Variants in RGS6 observed in about 807,000 individuals in gnomAD.
RGS6 encodes regulator of G-protein signaling 6.
In RGS6, 30 loss-of-function variants were observed where a neutral mutation model predicts 78.5. That is an observed-to-expected ratio of 0.38 (90% confidence interval 0.29 to 0.52). The LOEUF is 0.52. Among genes scored for constraint, RGS6 ranks in the 20% least tolerant of loss-of-function variants. The pLI, the probability that RGS6 is intolerant of heterozygous loss-of-function variation, is 0.85. For synonymous variants in RGS6, 206 were observed against 206.0 expected (o/e 1.00, Z 0.00); for missense variants, 495 against 609.7 (o/e 0.81, Z 1.98).
chr14:72,562,667 C>T lies in RGS6; in HGVS notation c.*200C>T, dbSNP rs1358171945. The T allele has an allele frequency of 3.9e-6, 6 of 1,536,174 alleles. No individual in the cohort carries two copies. Among genetic ancestry groups the T allele is most frequent in the Non-Finnish European group, 5.2e-6 (6 of 1,146,924 alleles). ...AAAGAAAGAGTCCACAGAGCCTGGGCTGGGCCCGGTGGAGGCTCCTGTTTA... is the reference window on the plus strand; with the variant it reads ...AAAGAAAGAGTCCACAGAGCCTGGGTTGGGCCCGGTGGAGGCTCCTGTTTA... On this transcript the variant is annotated 3_prime_UTR_variant, in exon 18 of 18. Transcript: ENST00000553525.
intron 1 of RGS6, among the ~76,000 whole-genome samples, chr14:71,940,340 C>T (rs1397951704): frequency 2.0e-5 from 3 of 152,172 alleles, no homozygotes; most frequent in Non-Finnish European, 2.9e-5. Context: ...GACCCAGCCT[C>T]CCCTTTGTCC....
At chr14:72,211,669 C>T (rs941676697) in intron 2 of RGS6, among the ~76,000 whole-genome samples, 2 of 152,040 alleles carry the variant, frequency 1.3e-5, no homozygotes, top group Non-Finnish European at 2.9e-5. Flanking sequence ...CCACAATGAC[C>T]CCCAAACGTA....
chr14:72,294,207 G>A (rs955400749), intron 2 of RGS6, among the ~76,000 whole-genome samples: 8 of 152,218 alleles, frequency 5.3e-5, no homozygotes, highest in African/African-American at 1.9e-4. Context: ...TAAGTGGGAG[G>A]AAGAGGGACC....
chr14:72,619,289 C>G, the RGS6 span: 2 of 1,535,968 alleles, frequency 1.3e-6, no homozygotes, highest in Non-Finnish European at 1.7e-6. Flanking sequence ...ATTCTGTGAC[C>G]TGGGGCCCTA....
At chr14:72,537,571 C>G (rs1349875316) in intron 16 of RGS6, 1 of 702,336 alleles carries the variant, frequency 1.4e-6, no homozygotes. Flanking sequence ...GATTCCCCTG[C>G]TGGAGGATGC....
At chr14:72,155,402 AC>A (rs2153647373) in intron 2 of RGS6, among the ~76,000 whole-genome samples, 1 of 152,306 alleles carries the variant, frequency 6.6e-6, no homozygotes, top group African/African-American at 2.4e-5. Context: ...ACTCAAGATG[AC>A]CTTAAAGGCC....
At chr14:72,457,411 C>T (rs940327912) in intron 4 of RGS6, among the ~76,000 whole-genome samples, 3 of 152,004 alleles carry the variant, frequency 2.0e-5, no homozygotes, top group Non-Finnish European at 4.4e-5. Flanking sequence ...GTGGTAGAAG[C>T]ATTGAGGTTT....
the RGS6 span, among the ~76,000 whole-genome samples, chr14:71,890,463 C>A: frequency 2.6e-4 from 40 of 151,620 alleles, no homozygotes; most frequent in South Asian, 8.1e-3. Flanking sequence ...TCTATGGCAC[C>A]TGTCTTCCTG....
chr14:72,296,018 C>G (rs531719477), intron 2 of RGS6, among the ~76,000 whole-genome samples: 1 of 152,172 alleles, frequency 6.6e-6, no homozygotes, highest in Non-Finnish European at 1.5e-5. Context: ...TTCCCCTTCC[C>G]AATAAATCTT....
chr14:72,545,028 C>T (rs925645768), intron 17 of RGS6, among the ~76,000 whole-genome samples: 2 of 152,250 alleles, frequency 1.3e-5, no homozygotes, highest in Non-Finnish European at 2.9e-5. Flanking sequence ...TGGGGAACAG[C>T]CTTGCACCCT....
At chr14:72,501,831 G>A (rs896347496) in intron 13 of RGS6, among the ~76,000 whole-genome samples, 3 of 152,228 alleles carry the variant, frequency 2.0e-5, no homozygotes, top group African/African-American at 7.2e-5. Context: ...AAGGAACCTG[G>A]CTTGTCCAGC....
chr14:72,554,151 T>G (rs923946874), intron 17 of RGS6, among the ~76,000 whole-genome samples: 1 of 152,240 alleles, frequency 6.6e-6, no homozygotes, highest in East Asian at 1.9e-4. Flanking sequence ...CAAATGGGCA[T>G]GGACATTCAC....
chr14:72,069,783 GCC>G (rs1284907093), intron 2 of RGS6, among the ~76,000 whole-genome samples: 3 of 151,830 alleles, frequency 2.0e-5, no homozygotes, highest in Non-Finnish European at 4.4e-5. Context: ...CCAGCAATCT[GCC>G]CGCCTTGGCC....
intron 2 of RGS6, among the ~76,000 whole-genome samples, chr14:72,071,489 G>T (rs541856894): frequency 4.8e-4 from 73 of 152,312 alleles, no homozygotes; most frequent in African/African-American, 1.7e-3. Context: ...GCTTTCCAAA[G>T]TAGTTGTAAC....
At chr14:72,082,926 C>T (rs915538923) in intron 2 of RGS6, among the ~76,000 whole-genome samples, 7 of 152,134 alleles carry the variant, frequency 4.6e-5, no homozygotes, top group Non-Finnish European at 4.4e-5. Context: ...GACATTTGCT[C>T]ATCTCACACA....
intron 2 of RGS6, among the ~76,000 whole-genome samples, chr14:72,135,928 A>G (rs1259845361): frequency 6.6e-6 from 1 of 152,146 alleles, no homozygotes. Flanking sequence ...AAAGTCAAGG[A>G]AACACTTAGA....
intron 15 of RGS6, among the ~76,000 whole-genome samples, chr14:72,529,938 G>A (rs567808696): frequency 2.6e-5 from 4 of 152,220 alleles, no homozygotes; most frequent in Non-Finnish European, 4.4e-5. Flanking sequence ...TTATCTCAGC[G>A]TCTGACACAG....
At position 72,383,203 on chromosome 14, in the gene RGS6, T is replaced by TACAC. The variant is rs1315647241; in HGVS notation, c.184+31010_184+31011insCACA. 2.4e-4 allele frequency among the ~76,000 whole-genome samples: 28 copies of TACAC among 116,972 alleles called. 1 individual carries two copies. Among genetic ancestry groups the TACAC allele is most frequent in the African/African-American group, 1.0e-3 (27 of 27,028 alleles). 76.7% of individuals were successfully genotyped at this position (116,972 alleles called of 152,430 possible). A position where few individuals can be genotyped will look rare whatever the true frequency, so the allele number is the denominator to read the frequency against. On this transcript the variant is annotated intron_variant, in intron 3 of 17. Transcript: ENST00000553525. Reference sequence around the variant, plus strand: ...ATATATATATATATATATATATATATATATATATATACACACAAACACACT... The same window carrying TACAC: ...ATATATATATATATATATATATATATACACATATATATATACACACAAACACACT...
chr14:72,517,526 G>A (rs1445149830), intron 14 of RGS6, among the ~76,000 whole-genome samples: 1 of 152,222 alleles, frequency 6.6e-6, no homozygotes, highest in Non-Finnish European at 1.5e-5. Context: ...AAATACGGAA[G>A]TGAGCAGATT....
Sources: gnomAD v4.1 joint callset for allele counts (sites outside exome capture counted in the v4.1 genomes callset) on GRCh38, gnomAD v4.1.1 for gene constraint, MANE v1.5 for transcripts, NCBI Gene and HGNC (gene_info 2026-07-23, HGNC 2026-07-21) for gene names.